Variants in PLPP2 observed in about 807,000 individuals in gnomAD.
PLPP2 encodes the protein PAP2-gamma.
Under a neutral mutation model 35.2 loss-of-function variants are expected in PLPP2, and 29 were observed. The observed-to-expected ratio is 0.82, with a 90% CI of 0.61 to 1.12. The LOEUF (loss-of-function observed/expected upper bound fraction) is 1.12, where lower values mean the gene tolerates loss of function less well. Among genes scored for constraint, PLPP2 ranks in the 50% most tolerant of loss-of-function variants. PLPP2 has a pLI of 0.00. For missense variants in PLPP2, 353 were observed against 375.2 expected, an observed-to-expected ratio of 0.94 and a Z score of 0.49; for synonymous variants, 162 against 167.0, an observed-to-expected ratio of 0.97 and a Z score of 0.23.
chr19:291,182 C>G (rs1401450929), intron 1 of PLPP2, 103 bp downstream of exon 1: 1 of 1,445,212 alleles, frequency 6.9e-7, no homozygotes, highest in East Asian at 2.9e-5. Flanking sequence ...CTCGGAGGGA[C>G]GAGGGCGCGC....
chr19:287,248 A>G lies in PLPP2; in HGVS notation c.482+226T>C. ...ATATAACAATTACAAAGGTAAATGT[A>G]CTAAACAACAGAACCCCAAAATACT... On this transcript the variant is annotated intron_variant, in intron 3 of 5. Coordinates refer to ENST00000434325, the MANE Select transcript of PLPP2 (RefSeq NM_003712.4). The surrounding 1 kb of genome is among the most constrained non-coding windows in gnomAD (Gnocchi z 4.3). 7.2e-6 allele frequency: 4 copies of G among 552,810 alleles called. No homozygotes were observed. In the Admixed American group the frequency reaches 1.3e-4, roughly 19 times the overall value. The allele number at this position is 552,810 out of a possible 1,614,324, so 34.2% of individuals were successfully genotyped here. A position where few individuals can be genotyped will look rare whatever the true frequency, so the allele number is the denominator to read the frequency against.
intron 3 of PLPP2, chr19:284,284 G>A (rs1970231866): frequency 6.6e-6 from 1 of 151,236 alleles, no homozygotes; most frequent in Admixed American, 6.6e-5. Context: ...AACTTGGGAG[G>A]TGGAGGTTGC....
At chr19:286,111 A>C (rs563203337) in intron 3 of PLPP2, 2 of 151,092 alleles carry the variant, frequency 1.3e-5, no homozygotes, top group Non-Finnish European at 3.0e-5. Context: ...GTGAGCCAAG[A>C]TTGCACCACC....
At chr19:289,917 T>C (rs952021492) in intron 1 of PLPP2, among the ~76,000 whole-genome samples, 1 of 151,976 alleles carries the variant, frequency 6.6e-6, no homozygotes, top group Admixed American at 6.6e-5. Flanking sequence ...ACAGCTCTTA[T>C]CGGGCGGAGG....
rs1351264685 is a variant in PLPP2, at chr19:282,762, A to G, written c.530T>C (p.Val177Ala). The change falls in exon 4 of 6, where the codon GTG becomes GCG. Residue 177 changes from valine (V) to alanine (A), a missense_variant. Val to Ala is a moderately conservative substitution (Grantham distance 64). Coordinates refer to ENST00000434325, the MANE Select transcript of PLPP2 (RefSeq NM_003712.4). ...GHSSFGMYCM[V>A]FLALYVQARL... ...GAGAAACAGACTCACCGCCAAGAAC[A>G]CCATGCAGTACATCCCAAAGGAAGA... is the stretch of plus-strand genomic sequence containing the variant. 1 of 1,613,530 alleles carries G rather than the reference A, an allele frequency of 6.2e-7. No homozygotes were observed. Among genetic ancestry groups the G allele is most frequent in the Non-Finnish European group, 8.5e-7 (1 of 1,179,612 alleles).
intron 1 of PLPP2, among the ~76,000 whole-genome samples, chr19:288,786 C>T (rs1970323145): frequency 2.6e-5 from 4 of 152,158 alleles, no homozygotes; most frequent in Admixed American, 1.3e-4. Context: ...TTGATTTCCC[C>T]CCATCCACCC....
rs1001040093 is a variant in PLPP2, at chr19:282,123, T to C, written c.717+11A>G. The C allele has an allele frequency of 6.2e-7, 1 of 1,612,732 alleles. No homozygotes were observed. Among genetic ancestry groups the C allele is most frequent in the African/African-American group, 1.3e-5 (1 of 74,800 alleles). ...ACAACACAGGGGATAGAGTTAGGGT[T>C]AGAAGCTCACAGTGAGGGCAGCCAC... On this transcript the variant is annotated intron_variant, in intron 5 of 5. Coordinates refer to ENST00000434325, the MANE Select transcript of PLPP2 (RefSeq NM_003712.4).
intron 1 of PLPP2, 93 bp from the exon 2 acceptor site, chr19:288,264 C>A: frequency 7.6e-7 from 1 of 1,308,266 alleles, no homozygotes. Context: ...AGGCCTCCCA[C>A]CTCTACTCTC....
intron 1 of PLPP2, chr19:288,467 A>T (rs183525871): frequency 0.013 from 2,823 of 216,064 alleles, 46 homozygotes; most frequent in African/African-American, 0.039. Context: ...TTTTTTTTTT[A>T]AATTTTTAAA....
Position 282,821 on chromosome 19 carries a change from G to C in PLPP2, c.483-12C>G. 6.2e-7 allele frequency: 1 copy of C among 1,613,272 alleles called. No individual in the cohort carries two copies. The highest frequency in any genetic ancestry group is 8.5e-7 in the Non-Finnish European group (1 of 1,179,470). On this transcript the variant is annotated splice_polypyrimidine_tract_variant and intron_variant, in intron 3 of 5. Coordinates refer to ENST00000434325, the MANE Select transcript of PLPP2 (RefSeq NM_003712.4). Reference sequence around the variant, plus strand: ...AGTAGAAAGACAACCTGAGGAAGGAGAAGGGGCAGGTGGCTCACTCAGCGC... The same window carrying C: ...AGTAGAAAGACAACCTGAGGAAGGACAAGGGGCAGGTGGCTCACTCAGCGC...
rs761739227 is a variant in PLPP2, at chr19:287,451, G to A, written c.482+23C>T. 3 of 1,593,328 alleles carry A rather than the reference G, an allele frequency of 1.9e-6. No individual in the cohort carries two copies. The highest frequency in any genetic ancestry group is 1.7e-5 in the Admixed American group (1 of 59,436). On this transcript the variant is annotated intron_variant, in intron 3 of 5. Transcript: ENST00000434325. This position sits in a 1 kb window ranked among gnomAD's most constrained non-coding sequence, Gnocchi z 4.3. ...TTCAGCTCCCATTCCCCACAAGAGT[G>A]AAGGCTGCTGGTCCACACCCACCTG...
At position 289,116 on chromosome 19, in the gene PLPP2, T is replaced by C. The variant is rs75634604; in HGVS notation, c.53-945A>G. On this transcript the variant is annotated intron_variant, in intron 1 of 5. Transcript: ENST00000434325. ...TGGGGCTCCTGGGGCCCTGCTGAGC[T>C]GAGGGTGGCCAGGGAAGCAGGAGTC... Among the ~76,000 whole-genome samples, 950 of 152,182 alleles carry C rather than the reference T, an allele frequency of 6.2e-3. 2 individuals carry two copies. Among genetic ancestry groups the C allele is most frequent in the Non-Finnish European group, 0.011 (725 of 67,986 alleles).
chr19:282,210 C>G lies in PLPP2; in HGVS notation c.641G>C (p.Arg214Pro), dbSNP rs375661179. 2 of 1,613,838 alleles carry G rather than the reference C, an allele frequency of 1.2e-6. No homozygotes were observed. Among genetic ancestry groups the G allele is most frequent in the South Asian group, 2.2e-5 (2 of 91,088 alleles). ...VAFALYVGYTRVSDYKHHWSD... is the reference protein window; with the variant it reads ...VAFALYVGYTPVSDYKHHWSD... ...CCAGTGGTGTTTGTAATCAGACACG[C>G]GGGTGTAGCCCACGTAGAGGGCAAA... The change falls in exon 5 of 6, where the codon CGC (arginine) becomes CCC (proline). Residue 214 changes from arginine to proline, a missense_variant. Coordinates refer to ENST00000434325, the MANE Select transcript of PLPP2 (RefSeq NM_003712.4).
Position 282,803 on chromosome 19 carries a change from A to G in PLPP2, c.489T>C (p.Ser163=), listed in dbSNP as rs750008162. 6.2e-7 allele frequency: 1 copy of G among 1,613,736 alleles called. No homozygotes were observed. The highest frequency in any genetic ancestry group is 8.5e-7 in the Non-Finnish European group (1 of 1,179,818). The change falls in exon 4 of 6, where the codon TCT becomes TCC. Residue 163 remains serine, a synonymous_variant. Coordinates refer to ENST00000434325, the MANE Select transcript of PLPP2 (RefSeq NM_003712.4). ...CAAAGGAAGAGTGTCCCGAGTAGAAAGACAACCTGAGGAAGGAGAAGGGGC... is the reference window on the plus strand; with the variant it reads ...CAAAGGAAGAGTGTCCCGAGTAGAAGGACAACCTGAGGAAGGAGAAGGGGC... ...NPADVTEARL[S]FYSGHSSFGM...
At position 281,484 on chromosome 19, in the gene PLPP2, CT is replaced by C; in HGVS notation, c.770del (p.Lys257ArgfsTer13). The part of the protein sequence containing the change: ...FKARPPQHCL[K>X]EEELERKPSL... ...TGGGCTTCCGTTCCAGCTCCTCCTC[CT>C]TCAGACAGTGCTGTGGGGGTCGGGC... On this transcript the variant is annotated frameshift_variant, in exon 6 of 6. Transcript: ENST00000434325. LOFTEE classifies it high-confidence loss of function. 6.4e-7 allele frequency: 1 copy of C among 1,557,894 alleles called. No individual in the cohort carries two copies. Among genetic ancestry groups the C allele is most frequent in the South Asian group, 1.2e-5 (1 of 82,504 alleles).
At chr19:285,524 A>C (rs1461033338) in intron 3 of PLPP2, 4 of 149,934 alleles carry the variant, frequency 2.7e-5, no homozygotes, top group African/African-American at 9.9e-5. Flanking sequence ...GCTTAAACCG[A>C]GGAGGCAGAG....
chr19:283,120 A>T lies in PLPP2; in HGVS notation c.483-311T>A, dbSNP rs752480951. ...TTTCATTTTCACCATGTTTCTTTTC[A>T]GGATTTTCTCCCATCTGCGGAACTG... On this transcript the variant is annotated intron_variant, in intron 3 of 5. Coordinates refer to ENST00000434325, the MANE Select transcript of PLPP2 (RefSeq NM_003712.4). The T allele has an allele frequency of 7.7e-4, 241 of 313,424 alleles. 2 individuals are homozygous for T. Among genetic ancestry groups the T allele is most frequent in the Non-Finnish European group, 2.3e-4 (40 of 172,304 alleles). 19.4% of individuals were successfully genotyped at this position (313,424 alleles called of 1,614,324 possible). A position where few individuals can be genotyped will look rare whatever the true frequency, so the allele number is the denominator to read the frequency against.
At chr19:282,338 T>G in intron 4 of PLPP2, 28 bp from the exon 5 acceptor site, 1 of 1,607,720 alleles carries the variant, frequency 6.2e-7, no homozygotes, top group Non-Finnish European at 8.5e-7. Flanking sequence ...CGTGTTAGCC[T>G]GTGCACCTGC....
At chr19:291,225 G>C (rs1001939154) in intron 1 of PLPP2, 60 bp downstream of exon 1, 7 of 1,594,166 alleles carry the variant, frequency 4.4e-6, no homozygotes, top group Non-Finnish European at 5.1e-6. Flanking sequence ...CTTGCGCGCA[G>C]CCGGGGGCGT....
Sources: gnomAD v4.1 joint callset for allele counts (sites outside exome capture counted in the v4.1 genomes callset) on GRCh38, gnomAD v4.1.1 for gene constraint, Gnocchi (gnomAD v3.1) non-coding constraint, MANE v1.5 for transcripts, NCBI Gene and HGNC (gene_info 2026-07-23, HGNC 2026-07-21) for gene names.